Variants in ZNF143 observed in about 807,000 individuals in gnomAD.
The protein encoded by ZNF143 is zinc finger protein 143, also known as SPH-binding factor.
Under a neutral mutation model 74.1 loss-of-function variants are expected in ZNF143, and 49 were observed. The observed-to-expected ratio is 0.66, with a 90% CI of 0.53 to 0.84. The LOEUF is 0.84. Among genes scored for constraint, ZNF143 ranks in the 40% least tolerant of loss-of-function variants. The pLI, the probability that ZNF143 is intolerant of heterozygous loss-of-function variation, is 0.00. For synonymous variants in ZNF143, 304 were observed against 282.8 expected, an observed-to-expected ratio of 1.07 and a Z score of -0.75; for missense variants, 637 against 793.4, an observed-to-expected ratio of 0.80 and a Z score of 2.37.
chr11:9,490,740 C>G (rs1424017260), intron 7 of ZNF143, among the ~76,000 whole-genome samples: 1 of 151,952 alleles, frequency 6.6e-6, no homozygotes, highest in Non-Finnish European at 1.5e-5. Flanking sequence ...TAAACAGAAA[C>G]TGATCTTTTT....
chr11:9,483,026 C>T (rs1847310247), intron 7 of ZNF143, among the ~76,000 whole-genome samples: 1 of 150,940 alleles, frequency 6.6e-6, no homozygotes, highest in Admixed American at 6.6e-5. Context: ...TGGAGTCTTA[C>T]TCTCTTGCCC....
chr11:9,461,752 CTT>C (rs1287679062), intron 1 of ZNF143: 1 of 152,140 alleles, frequency 6.6e-6, no homozygotes, highest in East Asian at 1.9e-4. Flanking sequence ...TTATAAGTCT[CTT>C]TGAAACGTAT....
intron 11 of ZNF143, among the ~76,000 whole-genome samples, chr11:9,504,220 A>G (rs1388790645): frequency 2.0e-5 from 3 of 150,984 alleles, no homozygotes; most frequent in Non-Finnish European, 4.4e-5. Flanking sequence ...CAGCCTCCCA[A>G]ACTGCTGGGA....
chr11:9,523,267 T>C (rs1186009719), intron 14 of ZNF143, among the ~76,000 whole-genome samples: 1 of 152,196 alleles, frequency 6.6e-6, no homozygotes, highest in East Asian at 1.9e-4. Context: ...GGTGAATATT[T>C]AGTCCTGGGA....
At position 9,486,412 on chromosome 11, in the gene ZNF143, A is replaced by ATT. The variant is rs1491276045; in HGVS notation, c.645+6866_645+6867insTT. ...AATATATATAATATATTATATATAT[A>ATT]ATATATATTATATATATTATATATA... On this transcript the variant is annotated intron_variant, in intron 7 of 15. Transcript: ENST00000396602. Among the ~76,000 whole-genome samples the ATT allele has an allele frequency of 2.7e-3, 52 of 19,316 alleles. 4 individuals are homozygous for ATT. The highest frequency in any genetic ancestry group is 3.3e-3 in the East Asian group (3 of 922). The allele number at this position is 19,316 out of a possible 152,430, so 12.7% of individuals were successfully genotyped here. A position where few individuals can be genotyped will look rare whatever the true frequency, so the allele number is the denominator to read the frequency against.
chr11:9,483,709 C>T (rs1847343498), intron 7 of ZNF143, among the ~76,000 whole-genome samples: 1 of 149,556 alleles, frequency 6.7e-6, no homozygotes, highest in South Asian at 2.1e-4. Context: ...ATTCCAAAGT[C>T]CTGGGATTAT....
intron 14 of ZNF143, among the ~76,000 whole-genome samples, chr11:9,522,420 C>T (rs1848966477): frequency 6.6e-6 from 1 of 152,114 alleles, no homozygotes; most frequent in African/African-American, 2.4e-5. Context: ...TTGTCTACTG[C>T]CCTTCTGGAA....
At chr11:9,471,442 G>T in intron 2 of ZNF143, 22 bp downstream of exon 2, 1 of 1,508,918 alleles carries the variant, frequency 6.6e-7, no homozygotes. Context: ...TGTTTGAAGG[G>T]ATGCGTTTGA....
intron 7 of ZNF143, among the ~76,000 whole-genome samples, chr11:9,489,016 A>G (rs1847668826): frequency 6.6e-6 from 1 of 152,224 alleles, no homozygotes; most frequent in Admixed American, 6.5e-5. Context: ...CAAATACTCT[A>G]TGCATTGAGG....
chr11:9,525,181 A>G, intron 14 of ZNF143, 59 bp from the exon 15 acceptor site: 6 of 1,595,598 alleles, frequency 3.8e-6, no homozygotes, highest in Non-Finnish European at 5.1e-6. Context: ...GTGGACTTTA[A>G]CCTATTTAAA....
chr11:9,478,286 C>T, intron 5 of ZNF143, 104 bp from the exon 6 acceptor site: 1 of 1,191,672 alleles, frequency 8.4e-7, no homozygotes, highest in Admixed American at 2.0e-5. Flanking sequence ...GTCCAGTACT[C>T]AGAGTAACTA....
rs1234960698 is a variant in ZNF143, at chr11:9,528,193, G to C, written c.*580G>C. On this transcript the variant is annotated 3_prime_UTR_variant, in exon 16 of 16. Coordinates refer to ENST00000396602, the MANE Select transcript of ZNF143 (RefSeq NM_003442.6). ...CTGTTAAAAACCAGCTCTTCAAGCTGAAATGCTAATTATATTGGCATTACA... is the reference window on the plus strand; with the variant it reads ...CTGTTAAAAACCAGCTCTTCAAGCTCAAATGCTAATTATATTGGCATTACA... 1 of 152,512 alleles carries C rather than the reference G, an allele frequency of 6.6e-6. No individual in the cohort carries two copies. Among genetic ancestry groups the C allele is most frequent in the African/African-American group, 2.4e-5 (1 of 41,422 alleles). 9.4% of individuals were successfully genotyped at this position (152,512 alleles called of 1,614,324 possible).
chr11:9,503,909 C>T (rs1009698396), intron 11 of ZNF143, among the ~76,000 whole-genome samples: 6 of 149,440 alleles, frequency 4.0e-5, no homozygotes, highest in Admixed American at 4.0e-4. Flanking sequence ...GCCTTGGCCT[C>T]CCAAAGTGGT....
At chr11:9,513,860 C>A (rs547188422) in intron 13 of ZNF143, among the ~76,000 whole-genome samples, 6 of 152,216 alleles carry the variant, frequency 3.9e-5, no homozygotes, top group African/African-American at 9.6e-5. Context: ...TACACTCCGG[C>A]CTGGACATTG....
chr11:9,524,882 A>G (rs956372537), intron 14 of ZNF143, among the ~76,000 whole-genome samples: 5 of 149,802 alleles, frequency 3.3e-5, no homozygotes, highest in African/African-American at 7.3e-5. Flanking sequence ...CAATCTCAGG[A>G]AAAAAAAATG....
In ZNF143 at chr11:9,479,544, C is replaced by A; in HGVS notation, c.643C>A (p.Gln215Lys). ...IGENEQEKKM[Q>K]IVLQGHATRV... Reference sequence around the variant, plus strand: ...AGAAAATGAGCAAGAGAAAAAAATGCAGGTATGTAAAGCTACTTTTTAATA... The same window carrying A: ...AGAAAATGAGCAAGAGAAAAAAATGAAGGTATGTAAAGCTACTTTTTAATA... The change falls in exon 7 of 16, where the codon CAG becomes AAG. Residue 215 changes from glutamine (Q) to lysine (K), a missense_variant and splice_region_variant. Transcript: ENST00000396602. 1.2e-6 allele frequency: 2 copies of A among 1,611,116 alleles called. No homozygotes were observed. Among genetic ancestry groups the A allele is most frequent in the South Asian group, 2.2e-5 (2 of 90,926 alleles).
intron 8 of ZNF143, 61 bp downstream of exon 8, chr11:9,494,826 A>G: frequency 6.6e-7 from 1 of 1,514,766 alleles, no homozygotes; most frequent in Non-Finnish European, 9.0e-7. Context: ...AAATACTAAG[A>G]TCATATTTTT....
intron 7 of ZNF143, among the ~76,000 whole-genome samples, chr11:9,486,893 C>T (rs998200714): frequency 1.3e-5 from 2 of 148,922 alleles, no homozygotes; most frequent in African/African-American, 5.1e-5. Flanking sequence ...TGGTCTTGAT[C>T]TCCTGACCTC....
intron 1 of ZNF143, among the ~76,000 whole-genome samples, chr11:9,464,587 C>G (rs909527896): frequency 3.3e-5 from 5 of 150,266 alleles, no homozygotes; most frequent in Non-Finnish European, 5.9e-5. Context: ...GGGGACAGAA[C>G]AAGACCCTGT....
Sources: gnomAD v4.1 joint callset for allele counts (sites outside exome capture counted in the v4.1 genomes callset) on GRCh38, gnomAD v4.1.1 for gene constraint, MANE v1.5 for transcripts, NCBI Gene and HGNC (gene_info 2026-07-23, HGNC 2026-07-21) for gene names.